Variants in TNNI3K observed in about 807,000 individuals in gnomAD.
TNNI3K encodes TNNI3 interacting kinase.
A neutral mutation model predicts 114.5 loss-of-function variants in TNNI3K; 140 were observed. That is an observed-to-expected ratio of 1.22 (90% confidence interval 1.07 to 1.41). The LOEUF is 1.41. TNNI3K is among the 40% of genes most tolerant of loss of function. The pLI, the probability that TNNI3K is intolerant of heterozygous loss-of-function variation, is 0.00. For missense variants in TNNI3K, 1,125 were observed against 1,007.6 expected (o/e 1.12, Z -1.58); for synonymous variants, 347 against 347.5 (o/e 1.00, Z 0.02).
intron 5 of TNNI3K, among the ~76,000 whole-genome samples, chr1:74,297,522 C>CGTGCGT (rs1553128511): frequency 6.9e-6 from 1 of 145,354 alleles, no homozygotes; most frequent in Non-Finnish European, 1.5e-5. Context: ...TGTGTGTGTG[C>CGTGCGT]GTGTGTGTGT....
intron 24 of TNNI3K, among the ~76,000 whole-genome samples, chr1:74,542,350 G>A (rs1009908578): frequency 1.3e-5 from 2 of 152,174 alleles, no homozygotes; most frequent in Admixed American, 1.3e-4. Flanking sequence ...ACAAGCTTAT[G>A]GAAGCATCTA....
chr1:74,480,346 AG>A, intron 21 of TNNI3K: 2 of 717,784 alleles, frequency 2.8e-6, no homozygotes. Context: ...TGAGCGTGTG[AG>A]CAGAAGACTT....
At chr1:74,330,255 C>T (rs1660127679) in intron 5 of TNNI3K, among the ~76,000 whole-genome samples, 2 of 152,032 alleles carry the variant, frequency 1.3e-5, no homozygotes, top group Admixed American at 6.6e-5. Flanking sequence ...TTTGCTCTCC[C>T]TCTATTTGCC....
At chr1:74,403,250 G>A (rs938888503) in intron 17 of TNNI3K, among the ~76,000 whole-genome samples, 7 of 151,866 alleles carry the variant, frequency 4.6e-5, no homozygotes, top group South Asian at 2.1e-4. Context: ...AGCTGTTTTC[G>A]AACCTTCAAA....
intron 4 of TNNI3K, among the ~76,000 whole-genome samples, chr1:74,263,066 A>G (rs1364033632): frequency 6.6e-6 from 1 of 152,072 alleles, no homozygotes; most frequent in Admixed American, 6.6e-5. Flanking sequence ...AAAACTCAAG[A>G]CTGAATATTT....
intron 21 of TNNI3K, among the ~76,000 whole-genome samples, chr1:74,464,203 A>G (rs1185108238): frequency 2.4e-4 from 37 of 152,260 alleles, no homozygotes; most frequent in Non-Finnish European, 2.9e-5. Flanking sequence ...TTAAGTGTGC[A>G]GACGGGTTAT....
intron 23 of TNNI3K, among the ~76,000 whole-genome samples, chr1:74,500,150 T>G: frequency 6.6e-6 from 1 of 152,048 alleles, no homozygotes; most frequent in East Asian, 1.9e-4. Context: ...TCCTGACCTC[T>G]ATAATACCTC....
At chr1:74,368,871 G>A in intron 13 of TNNI3K, 151 bp from the exon 14 acceptor site, 2 of 660,170 alleles carry the variant, frequency 3.0e-6, no homozygotes, top group South Asian at 2.7e-5. Flanking sequence ...TAAGGTTTTA[G>A]CATCTTTAAG....
chr1:74,445,208 T>G, intron 20 of TNNI3K, among the ~76,000 whole-genome samples: 1 of 96,494 alleles, frequency 1.0e-5, no homozygotes, highest in Admixed American at 1.5e-4. Flanking sequence ...GAACTTCTTT[T>G]TTTTTTTTCT....
intron 17 of TNNI3K, among the ~76,000 whole-genome samples, chr1:74,409,426 T>C (rs1399982812): frequency 1.3e-5 from 2 of 152,138 alleles, no homozygotes; most frequent in Non-Finnish European, 2.9e-5. Flanking sequence ...TTGCTTAAGA[T>C]TCCATGCATA....
At chr1:74,289,466 C>T (rs1191589727) in intron 5 of TNNI3K, among the ~76,000 whole-genome samples, 5 of 148,456 alleles carry the variant, frequency 3.4e-5, no homozygotes, top group African/African-American at 5.0e-5. Context: ...AAAAAGAAGT[C>T]GAACTCACCC....
chr1:74,496,701 A>C (rs1036020079), intron 23 of TNNI3K, among the ~76,000 whole-genome samples: 1 of 152,184 alleles, frequency 6.6e-6, no homozygotes, highest in African/African-American at 2.4e-5. Flanking sequence ...AATTCCTATC[A>C]AAACCATAAC....
At chr1:74,465,434 G>A (rs1264093488) in intron 21 of TNNI3K, among the ~76,000 whole-genome samples, 6 of 152,218 alleles carry the variant, frequency 3.9e-5, no homozygotes, top group South Asian at 2.1e-4. Context: ...GCCAGGTCCC[G>A]CAACACTGCT....
chr1:74,414,589 GTTTT>G lies in TNNI3K; in HGVS notation c.1773-21490_1773-21487del, dbSNP rs1196873813. On this transcript the variant is annotated intron_variant, in intron 17 of 24. Coordinates refer to ENST00000326637, the MANE Select transcript of TNNI3K (RefSeq NM_015978.3). ...CTTAGTTTAAAAATATTAATTGCTT[GTTTT>G]AGGGCAAATGCTATGTTGGTACAAA... Among the ~76,000 whole-genome samples, 6 of 152,250 alleles carry G rather than the reference GTTTT, an allele frequency of 3.9e-5. No individual in the cohort carries two copies. In the East Asian group the frequency reaches 5.8e-4, roughly 15 times the overall value.
chr1:74,483,265 C>T (rs769455962), intron 21 of TNNI3K: 2 of 717,176 alleles, frequency 2.8e-6, no homozygotes, highest in South Asian at 1.5e-5. Context: ...TTATTACCTA[C>T]TATATAGGTT....
chr1:74,513,854 A>C (rs535217104), intron 23 of TNNI3K, among the ~76,000 whole-genome samples: 50 of 152,220 alleles, frequency 3.3e-4, no homozygotes, highest in Non-Finnish European at 6.6e-4. Context: ...ATTTTAGATG[A>C]ATCTTTAAAG....
intron 11 of TNNI3K, among the ~76,000 whole-genome samples, chr1:74,356,406 C>G (rs889469270): frequency 1.3e-5 from 2 of 152,086 alleles, no homozygotes; most frequent in Non-Finnish European, 2.9e-5. Context: ...AGGTGTTCTA[C>G]TTTGTATTAA....
intron 21 of TNNI3K, chr1:74,464,512 C>G: frequency 1.4e-6 from 2 of 1,411,682 alleles, no homozygotes; most frequent in Non-Finnish European, 1.8e-6. Context: ...CACTTTATAG[C>G]TCTTCAACAA....
chr1:74,445,759 C>G (rs527669411), intron 20 of TNNI3K, among the ~76,000 whole-genome samples: 1 of 151,578 alleles, frequency 6.6e-6, no homozygotes, highest in African/African-American at 2.4e-5. Flanking sequence ...TACAGGCGCC[C>G]GCCACTACGC....
Sources: allele counts gnomAD v4.1 joint callset (sites outside exome capture counted in the v4.1 genomes callset), GRCh38; gene constraint gnomAD v4.1.1; transcripts MANE v1.5; gene names NCBI Gene and HGNC (gene_info 2026-07-23, HGNC 2026-07-21).